The following GLYATL3 variants were observed in gnomAD, a reference collection of about 807,000 sequenced individuals.
GLYATL3 encodes glycine N-acyltransferase-like protein 3.
In GLYATL3, 31 loss-of-function variants were observed where a neutral mutation model predicts 28.5. The observed-to-expected ratio is 1.09, with a 90% CI of 0.82 to 1.47. The LOEUF is 1.47. Ranked by LOEUF, GLYATL3 falls within the 40% of genes most tolerant of loss-of-function variation. The pLI, the probability that GLYATL3 is intolerant of heterozygous loss-of-function variation, is 0.00. For missense variants in GLYATL3, 369 were observed against 351.5 expected (o/e 1.05, Z -0.40); for synonymous variants, 141 against 140.2 (o/e 1.01, Z -0.04).
Position 49,526,772 on chromosome 6 carries a change from G to A in GLYATL3, c.725G>A (p.Gly242Glu). 1 of 1,551,874 alleles carries A rather than the reference G, an allele frequency of 6.4e-7. No homozygotes were observed. Among genetic ancestry groups the A allele is most frequent in the Admixed American group, 2.0e-5 (1 of 51,006 alleles). Residue 242 changes from glycine (G) to glutamate (E), a missense_variant, in exon 6 of 6, where the codon GGA (glycine) becomes GAA (glutamate). Gly to Glu is a moderately conservative substitution (Grantham distance 98). Transcript: ENST00000371197. ...LTLARKLQSR[G>E]FPSQGNVLDD... The stretch of plus-strand genomic sequence containing the variant: ...CTGGCCAGGAAGTTGCAAAGCCGGG[G>A]ATTCCCCTCTCAGGGGAACGTCCTG...
At position 49,517,576 on chromosome 6, in the gene GLYATL3, T is replaced by G. The variant is rs1369006017; in HGVS notation, c.313+20T>G. ...TACAAGGTGAGGTCAAGTGCAAGACTTATATTACACAGTCTTTTTTTTCCT... is the reference window on the plus strand; with the variant it reads ...TACAAGGTGAGGTCAAGTGCAAGACGTATATTACACAGTCTTTTTTTTCCT... On this transcript the variant is annotated intron_variant, in intron 4 of 5. Transcript: ENST00000371197. 1 of 1,539,402 alleles carries G rather than the reference T, an allele frequency of 6.5e-7. No homozygotes were observed. Among genetic ancestry groups the G allele is most frequent in the African/African-American group, 1.4e-5 (1 of 72,668 alleles).
intron 1 of GLYATL3, among the ~76,000 whole-genome samples, chr6:49,508,366 C>T (rs1421814530): frequency 2.0e-5 from 3 of 152,118 alleles, no homozygotes; most frequent in East Asian, 1.9e-4. Context: ...CTATGATTAG[C>T]AAGATATTAA....
intron 5 of GLYATL3, 87 bp downstream of exon 5, chr6:49,521,858 T>G: frequency 2.5e-6 from 3 of 1,204,906 alleles, no homozygotes; most frequent in Non-Finnish European, 3.5e-6. Flanking sequence ...AGTATCACTA[T>G]GGAATATCCA....
chr6:49,517,421 C>A lies in GLYATL3; in HGVS notation c.187-9C>A. The A allele has an allele frequency of 2.0e-6, 3 of 1,503,148 alleles. No individual in the cohort carries two copies. The highest frequency in any genetic ancestry group is 2.7e-6 in the Non-Finnish European group (3 of 1,125,012). The allele number at this position is 1,503,148 out of a possible 1,614,324, so 93.1% of individuals were successfully genotyped here. ...GTTTATGTTTTTGTGATTATGTCTT[C>A]TGTCCTAGGCTGAGACAGATAACCT... On this transcript the variant is annotated splice_polypyrimidine_tract_variant and intron_variant, in intron 3 of 5. Transcript: ENST00000371197.
At chr6:49,505,062 A>G (rs1359007791) in intron 1 of GLYATL3, among the ~76,000 whole-genome samples, 1 of 152,190 alleles carries the variant, frequency 6.6e-6, no homozygotes, top group Non-Finnish European at 1.5e-5. Context: ...CTTTTTTCCA[A>G]CTGAGAGAAT....
chr6:49,522,691 T>G (rs1035918474), intron 5 of GLYATL3, among the ~76,000 whole-genome samples: 13 of 152,326 alleles, frequency 8.5e-5, no homozygotes, highest in African/African-American at 2.9e-4. Flanking sequence ...TAATTTTCTT[T>G]ACTCCTACAG....
chr6:49,513,984 A>C (rs1348870824), intron 2 of GLYATL3, among the ~76,000 whole-genome samples: 1 of 152,230 alleles, frequency 6.6e-6, no homozygotes, highest in Non-Finnish European at 1.5e-5. Flanking sequence ...TGTAGGTTCC[A>C]ATGTCCTTAT....
intron 4 of GLYATL3, among the ~76,000 whole-genome samples, chr6:49,519,398 G>A (rs898850547): frequency 7.2e-5 from 11 of 152,174 alleles, no homozygotes; most frequent in African/African-American, 2.7e-4. Context: ...TAGCACATAA[G>A]TCAGCCTGGA....
At chr6:49,521,574 C>T in intron 4 of GLYATL3, 71 bp from the exon 5 acceptor site, 1 of 1,351,024 alleles carries the variant, frequency 7.4e-7, no homozygotes, top group South Asian at 1.4e-5. Flanking sequence ...TATAAAATTA[C>T]TGCAACAAAT....
In GLYATL3 at chr6:49,511,985, GA is replaced by G; in HGVS notation, c.-2del. On this transcript the variant is annotated 5_prime_UTR_variant, in exon 2 of 6. Transcript: ENST00000371197. ...TAGGTGTGGAGTTGCAAGAGCTCTG[GA>G]AAAGATGTTGGTGCTAAACTGTTCT... The G allele has an allele frequency of 6.9e-7, 1 of 1,453,232 alleles. No individual in the cohort carries two copies. Among genetic ancestry groups the G allele is most frequent in the Non-Finnish European group, 9.4e-7 (1 of 1,067,912 alleles). 90.0% of individuals were successfully genotyped at this position (1,453,232 alleles called of 1,614,324 possible).
rs1769343237 is a variant in GLYATL3, at chr6:49,523,003, A to T, written c.440+1232A>T. Among the ~76,000 whole-genome samples the T allele has an allele frequency of 4.6e-5, 7 of 152,130 alleles. No individual in the cohort carries two copies. In the South Asian group the frequency reaches 1.5e-3, roughly 32 times the overall value. ...AATGAGTCTTAAAAAAAAAACACCC[A>T]CTATACGGATATTACTCCTGTGTCC... On this transcript the variant is annotated intron_variant, in intron 5 of 5. Coordinates refer to ENST00000371197, the MANE Select transcript of GLYATL3 (RefSeq NM_001010904.2).
chr6:49,502,211 T>C (rs185952081), intron 1 of GLYATL3, among the ~76,000 whole-genome samples: 7 of 152,354 alleles, frequency 4.6e-5, no homozygotes, highest in Admixed American at 1.3e-4. Flanking sequence ...TTTTTTCCAA[T>C]TTTGTATATG....
chr6:49,522,653 G>C (rs1408997775), intron 5 of GLYATL3, among the ~76,000 whole-genome samples: 1 of 152,138 alleles, frequency 6.6e-6, no homozygotes, highest in African/African-American at 2.4e-5. Flanking sequence ...AAGCAAGATA[G>C]TTAAAAATCA....
At chr6:49,519,932 G>A (rs1164321005) in intron 4 of GLYATL3, among the ~76,000 whole-genome samples, 1 of 152,140 alleles carries the variant, frequency 6.6e-6, no homozygotes, top group East Asian at 1.9e-4. Flanking sequence ...ATCTACATGT[G>A]TACTAACCTG....
intron 4 of GLYATL3, among the ~76,000 whole-genome samples, chr6:49,521,157 G>A (rs1769309334): frequency 6.6e-6 from 1 of 152,168 alleles, no homozygotes; most frequent in Admixed American, 6.5e-5. Flanking sequence ...GGTGAGGTAA[G>A]TTCAGGGTAA....
intron 1 of GLYATL3, among the ~76,000 whole-genome samples, chr6:49,503,760 G>C (rs1768957639): frequency 6.6e-6 from 1 of 152,194 alleles, no homozygotes; most frequent in Non-Finnish European, 1.5e-5. Flanking sequence ...GTTTTGATCT[G>C]TCTTAGAGGT....
chr6:49,519,445 A>G (rs1769277074), intron 4 of GLYATL3, among the ~76,000 whole-genome samples: 1 of 152,204 alleles, frequency 6.6e-6, no homozygotes, highest in African/African-American at 2.4e-5. Context: ...TTTTGACTAC[A>G]GACTTCTGTG....
rs1769437457 is a variant in GLYATL3 at position 49,527,178 on chromosome 6, G to T, written c.*264G>T. The stretch of plus-strand genomic sequence containing the variant: ...TGTAGGATCCACTGTAGGAGAATAG[G>T]TTCTAAAGCCAGCAGTTTTAGTGTA... On this transcript the variant is annotated 3_prime_UTR_variant, in exon 6 of 6. Coordinates refer to ENST00000371197, the MANE Select transcript of GLYATL3 (RefSeq NM_001010904.2). 2.5e-6 allele frequency: 1 copy of T among 396,650 alleles called. No homozygotes were observed. Among genetic ancestry groups the T allele is most frequent in the Non-Finnish European group, 4.5e-6 (1 of 221,702 alleles). The allele number at this position is 396,650 out of a possible 1,614,324, so 24.6% of individuals were successfully genotyped here. A position where few individuals can be genotyped will look rare whatever the true frequency, so the allele number is the denominator to read the frequency against.
chr6:49,509,996 TTCTTTC>T (rs1369132061), intron 1 of GLYATL3, among the ~76,000 whole-genome samples: 7 of 145,478 alleles, frequency 4.8e-5, no homozygotes, highest in African/African-American at 1.7e-4. Flanking sequence ...CTTTCTTTCT[TTCTTTC>T]TCTTTCTTTC....
Sources: gnomAD v4.1 joint callset for allele counts (sites outside exome capture counted in the v4.1 genomes callset) on GRCh38, gnomAD v4.1.1 for gene constraint, MANE v1.5 for transcripts, NCBI Gene and HGNC (gene_info 2026-07-23, HGNC 2026-07-21) for gene names.